ERICH3: variants seen among roughly 807,000 people sequenced by gnomAD.
ERICH3 encodes glutamate-rich protein 3.
A neutral mutation model predicts 131.1 loss-of-function variants in ERICH3; 126 were observed. That is an observed-to-expected ratio of 0.96 (90% CI 0.83 to 1.11). The LOEUF (loss-of-function observed/expected upper bound fraction) is 1.11. Ranked by LOEUF, ERICH3 falls within the 50% of genes most tolerant of loss-of-function variation. ERICH3 has a pLI of 0.00. For synonymous variants in ERICH3, 695 were observed against 644.6 expected, an observed-to-expected ratio of 1.08 and a Z score of -1.18; for missense variants, 2,050 against 1,810.7, an observed-to-expected ratio of 1.13 and a Z score of -2.40.
intron 1 of ERICH3, among the ~76,000 whole-genome samples, chr1:74,653,724 G>A (rs1221515124): frequency 6.6e-6 from 1 of 152,054 alleles, no homozygotes; most frequent in Non-Finnish European, 1.5e-5. Flanking sequence ...TCAGTTTTAG[G>A]AAAACCTAAG....
chr1:74,669,221 C>G (rs1224428748), intron 1 of ERICH3, among the ~76,000 whole-genome samples: 1 of 152,156 alleles, frequency 6.6e-6, no homozygotes, highest in Non-Finnish European at 1.5e-5. Flanking sequence ...CACTTCTTTA[C>G]ATTAAAAAGG....
intron 12 of ERICH3, among the ~76,000 whole-genome samples, chr1:74,583,474 T>G (rs1332161266): frequency 6.6e-6 from 1 of 152,004 alleles, no homozygotes; most frequent in Non-Finnish European, 1.5e-5. Context: ...GTTGATGTGG[T>G]CTCTTTCTCT....
chr1:74,654,392 C>T (rs1414714165), intron 1 of ERICH3, among the ~76,000 whole-genome samples: 1 of 151,188 alleles, frequency 6.6e-6, no homozygotes, highest in African/African-American at 2.4e-5. Context: ...GTATATCCTA[C>T]AGTAGGATAT....
chr1:74,639,192 C>T (rs1646417295), intron 5 of ERICH3, among the ~76,000 whole-genome samples: 1 of 152,098 alleles, frequency 6.6e-6, no homozygotes, highest in African/African-American at 2.4e-5. Flanking sequence ...CTTTGTAAAA[C>T]AAACATGCCT....
chr1:74,668,429 G>A (rs1646711340), intron 1 of ERICH3, among the ~76,000 whole-genome samples: 1 of 152,144 alleles, frequency 6.6e-6, no homozygotes, highest in African/African-American at 2.4e-5. Flanking sequence ...TTTCATGACT[G>A]GGCAACAAAT....
chr1:74,579,096 C>A lies in ERICH3; in HGVS notation c.2177-2160G>T, dbSNP rs1647129905. On this transcript the variant is annotated intron_variant, in intron 12 of 14. Coordinates refer to ENST00000326665, the MANE Select transcript of ERICH3 (RefSeq NM_001002912.5). ...ATAGTTGGATTTACTATCAAGTTTTCATTTTAGAAACTTGACAAACATAAT... is the reference window on the plus strand; with the variant it reads ...ATAGTTGGATTTACTATCAAGTTTTAATTTTAGAAACTTGACAAACATAAT... 2.0e-5 allele frequency among the ~76,000 whole-genome samples: 3 copies of A among 152,212 alleles called. 1 individual carries two copies. In the South Asian group the frequency reaches 6.2e-4, roughly 32 times the overall value.
chr1:74,603,390 G>A (rs1027595229), intron 10 of ERICH3, among the ~76,000 whole-genome samples: 2 of 151,880 alleles, frequency 1.3e-5, no homozygotes, highest in Non-Finnish European at 2.9e-5. Context: ...CTGTAAAATT[G>A]AAGTAGTAAT....
At chr1:74,598,302 TA>T (rs537279811) in intron 11 of ERICH3, among the ~76,000 whole-genome samples, 1 of 151,820 alleles carries the variant, frequency 6.6e-6, no homozygotes, top group Non-Finnish European at 1.5e-5. Context: ...CCAAGTTGTT[TA>T]AAAAAACTCA....
intron 1 of ERICH3, among the ~76,000 whole-genome samples, chr1:74,663,910 C>T (rs1646665314): frequency 6.6e-6 from 1 of 152,024 alleles, no homozygotes; most frequent in Non-Finnish European, 1.5e-5. Flanking sequence ...AAGTCAGAGA[C>T]ATATGGTAGG....
Position 74,573,418 on chromosome 1 carries a change from T to A in ERICH3, c.2292A>T (p.Gln764His). The change falls in exon 14 of 15, where the codon CAA (glutamine) becomes CAT (histidine). Residue 764 changes from glutamine to histidine, a missense_variant. Physicochemically the swap from Gln to His is conservative, Grantham distance 24. Transcript: ENST00000326665. ...NSNKESQQLV[Q>H]KTYTLEKKEA... Reference sequence around the variant, plus strand: ...CTTTCTTCTCCAGTGTATACGTTTTTTGCACCAATTGCTGGGATTCCTTGT... The same window carrying A: ...CTTTCTTCTCCAGTGTATACGTTTTATGCACCAATTGCTGGGATTCCTTGT... The A allele has an allele frequency of 6.3e-7, 1 of 1,577,868 alleles. No individual in the cohort carries two copies. The highest frequency in any genetic ancestry group is 8.6e-7 in the Non-Finnish European group (1 of 1,166,980).
intron 1 of ERICH3, among the ~76,000 whole-genome samples, chr1:74,651,672 T>C (rs1646536006): frequency 6.6e-6 from 1 of 152,154 alleles, no homozygotes; most frequent in Non-Finnish European, 1.5e-5. Context: ...TCATATATAG[T>C]CTTTTGTCTG....
rs373647371 is a variant in ERICH3, at chr1:74,572,564, A to G, written c.3146T>C (p.Ile1049Thr). Residue 1049 changes from isoleucine (I) to threonine (T), a missense_variant, in exon 14 of 15, where the codon ATT becomes ACT. Ile to Thr is a moderately conservative substitution (Grantham distance 89). Coordinates refer to ENST00000326665, the MANE Select transcript of ERICH3 (RefSeq NM_001002912.5). ...TGCTAAATCTAATTCCTTGGGTAAA[A>G]TTTCTTTCCTATCATCTTCCCTATT... is the stretch of plus-strand genomic sequence containing the variant. ...EANREDDRKE[I>T]LPKELDLARE... The G allele has an allele frequency of 6.2e-7, 1 of 1,613,248 alleles. No individual in the cohort carries two copies. The highest frequency in any genetic ancestry group is 8.5e-7 in the Non-Finnish European group (1 of 1,179,862).
At chr1:74,570,461 A>T (rs540477423) in intron 14 of ERICH3, 22 bp from the exon 15 acceptor site, 1 of 152,372 alleles carries the variant, frequency 6.6e-6, no homozygotes, top group South Asian at 2.1e-4. Context: ...TAAAAAGGAT[A>T]GTAGTACCAG....
chr1:74,578,959 A>T (rs937299305), intron 12 of ERICH3, among the ~76,000 whole-genome samples: 4 of 152,188 alleles, frequency 2.6e-5, no homozygotes, highest in Non-Finnish European at 5.9e-5. Flanking sequence ...ATATAGTTCA[A>T]ATATATTCTC....
chr1:74,579,779 C>A lies in ERICH3; in HGVS notation c.2177-2843G>T, dbSNP rs145084469. 4.5e-4 allele frequency: 442 copies of A among 985,316 alleles called. 4 individuals are homozygous for A. The Middle Eastern group carries it at 7.8e-3, about 17-fold the overall frequency. 61.0% of individuals were successfully genotyped at this position (985,316 alleles called of 1,614,324 possible). ...CACTTTGTTGCCTCTCTGTATTTAG[C>A]CCTTCATCCCCTAAGGCTCCTGTCT... On this transcript the variant is annotated intron_variant, in intron 12 of 14. Transcript: ENST00000326665.
At chr1:74,592,096 A>C (rs1202120978) in intron 11 of ERICH3, 1 of 152,172 alleles carries the variant, frequency 6.6e-6, no homozygotes, top group Non-Finnish European at 1.5e-5. Flanking sequence ...TTCCACAAAG[A>C]TTTGAGAGAT....
intron 1 of ERICH3, among the ~76,000 whole-genome samples, chr1:74,651,440 G>T (rs943042779): frequency 6.6e-6 from 1 of 152,042 alleles, no homozygotes; most frequent in Non-Finnish European, 1.5e-5. Context: ...AACCAGCTCC[G>T]GATAATGCTT....
chr1:74,583,944 G>A (rs1179617509), intron 12 of ERICH3, among the ~76,000 whole-genome samples: 1 of 152,008 alleles, frequency 6.6e-6, no homozygotes, highest in Non-Finnish European at 1.5e-5. Flanking sequence ...ATCAGAAGAG[G>A]GTTTTGTCAA....
chr1:74,598,354 AATGAAAATAG>A (rs1251409847), intron 11 of ERICH3, among the ~76,000 whole-genome samples: 3 of 152,020 alleles, frequency 2.0e-5, no homozygotes, highest in African/African-American at 4.8e-5. Context: ...AAAATTAAAT[AATGAAAATAG>A]ATGAAAATTT....
Sources: gnomAD v4.1 joint callset for allele counts (sites outside exome capture counted in the v4.1 genomes callset) on GRCh38, gnomAD v4.1.1 for gene constraint, MANE v1.5 for transcripts, NCBI Gene and HGNC (gene_info 2026-07-23, HGNC 2026-07-21) for gene names.